The following MDGA2 variants were observed in gnomAD, a reference collection of about 807,000 sequenced individuals.
MDGA2 encodes the protein MAM domain containing glycosylphosphatidylinositol anchor 2, also known as MAM domain-containing glycosylphosphatidylinositol anchor protein 2.
In MDGA2, 40 loss-of-function variants were observed where a neutral mutation model predicts 117.8. The observed-to-expected ratio is 0.34, with a 90% CI of 0.26 to 0.44. MDGA2 has a LOEUF of 0.44. Ranked by LOEUF, MDGA2 falls within the 20% of genes least tolerant of loss-of-function variation. The pLI, the probability that MDGA2 is intolerant of heterozygous loss-of-function variation, is 1.00. For missense variants in MDGA2, 1,123 were observed against 1,250.6 expected (o/e 0.90, Z 1.54); for synonymous variants, 452 against 439.0 (o/e 1.03, Z -0.37).
chr14:47,657,733 G>A (rs1340237284), intron 1 of MDGA2, among the ~76,000 whole-genome samples: 1 of 152,126 alleles, frequency 6.6e-6, no homozygotes, highest in East Asian at 1.9e-4. Flanking sequence ...CCACTGAACA[G>A]AAAAGAAGGT....
intron 5 of MDGA2, among the ~76,000 whole-genome samples, chr14:47,123,706 A>G (rs1161013326): frequency 2.6e-5 from 4 of 152,068 alleles, no homozygotes; most frequent in African/African-American, 4.8e-5. Flanking sequence ...GGAAATACTA[A>G]TATCTAACAT....
intron 5 of MDGA2, among the ~76,000 whole-genome samples, chr14:47,109,688 T>C (rs1431437403): frequency 1.3e-5 from 2 of 152,152 alleles, no homozygotes; most frequent in Non-Finnish European, 2.9e-5. Flanking sequence ...GGCTCACACT[T>C]GTAATCCCAC....
intron 1 of MDGA2, among the ~76,000 whole-genome samples, chr14:47,334,572 T>C (rs1048693890): frequency 2.0e-5 from 3 of 152,112 alleles, no homozygotes; most frequent in African/African-American, 7.2e-5. Flanking sequence ...ATAGTGGTTA[T>C]ATCTAAATTT....
intron 7 of MDGA2, among the ~76,000 whole-genome samples, chr14:47,048,268 T>G (rs1566592032): frequency 6.6e-6 from 1 of 152,094 alleles, no homozygotes; most frequent in Non-Finnish European, 1.5e-5. Flanking sequence ...TATTGCTTTC[T>G]GGTGGATAAA....
intron 1 of MDGA2, among the ~76,000 whole-genome samples, chr14:47,370,480 T>G (rs1370588124): frequency 3.2e-5 from 2 of 62,722 alleles, no homozygotes; most frequent in African/African-American, 1.5e-4. Flanking sequence ...TTTTTTTTTT[T>G]TTTTTTTTTT....
chr14:47,490,874 G>A (rs865938277), intron 1 of MDGA2, among the ~76,000 whole-genome samples: 1 of 152,166 alleles, frequency 6.6e-6, no homozygotes, highest in South Asian at 2.1e-4. Flanking sequence ...GAATCAGTTG[G>A]CTAGGCCTGG....
intron 8 of MDGA2, among the ~76,000 whole-genome samples, chr14:46,959,501 T>G (rs905348640): frequency 6.6e-6 from 1 of 151,920 alleles, no homozygotes; most frequent in Non-Finnish European, 1.5e-5. Flanking sequence ...TATGCTTTAT[T>G]TTTTAGGATT....
intron 8 of MDGA2, among the ~76,000 whole-genome samples, chr14:46,984,436 T>C (rs1252948812): frequency 6.6e-6 from 1 of 152,060 alleles, no homozygotes; most frequent in African/African-American, 2.4e-5. Context: ...TTATATTTTA[T>C]ATAATCAAAG....
intron 3 of MDGA2, among the ~76,000 whole-genome samples, chr14:47,181,303 C>T (rs1594702205): frequency 2.0e-5 from 3 of 151,952 alleles, no homozygotes; most frequent in Non-Finnish European, 1.5e-5. Flanking sequence ...CTCATTGTTC[C>T]ACTCCTATTT....
rs576467014 is a variant in MDGA2, at chr14:47,379,445, C to A, written c.281-77895G>T. ...TGGCAAATTGGATAAAGAGTGAAGA[C>A]CCATCAGTGTGCGGTATTTAGGAGA... is the stretch of plus-strand genomic sequence containing the variant. On this transcript the variant is annotated intron_variant, in intron 1 of 16. Transcript: ENST00000399232. Among the ~76,000 whole-genome samples the A allele has an allele frequency of 1.4e-3, 212 of 152,240 alleles. 1 individual carries two copies. The highest frequency in any genetic ancestry group is 3.4e-3 in the Middle Eastern group (1 of 294).
intron 1 of MDGA2, among the ~76,000 whole-genome samples, chr14:47,348,317 T>C (rs1202670664): frequency 6.6e-6 from 1 of 151,904 alleles, no homozygotes; most frequent in Non-Finnish European, 1.5e-5. Context: ...GTTCAAGCGA[T>C]TCTCATGCCT....
At chr14:46,853,116 AT>A (rs1242464966) in intron 15 of MDGA2, among the ~76,000 whole-genome samples, 1 of 151,940 alleles carries the variant, frequency 6.6e-6, no homozygotes, top group Non-Finnish European at 1.5e-5. Context: ...ACATACAAAT[AT>A]TTTTTAAAAG....
At chr14:47,567,470 C>T (rs181008398) in intron 1 of MDGA2, among the ~76,000 whole-genome samples, 1 of 152,312 alleles carries the variant, frequency 6.6e-6, no homozygotes, top group East Asian at 1.9e-4. Flanking sequence ...AGCAGCAATA[C>T]TGTTTGTCTA....
intron 14 of MDGA2, among the ~76,000 whole-genome samples, chr14:46,865,629 T>C (rs1881724016): frequency 6.6e-6 from 1 of 152,044 alleles, no homozygotes; most frequent in Non-Finnish European, 1.5e-5. Flanking sequence ...CATGATTGTA[T>C]ATCTAGAAAA....
At chr14:47,170,551 G>A (rs951159488) in intron 3 of MDGA2, among the ~76,000 whole-genome samples, 52 of 152,158 alleles carry the variant, frequency 3.4e-4, no homozygotes, top group African/African-American at 1.1e-3. Context: ...AAGATTCAAG[G>A]ATTAGTCTAT....
chr14:47,508,971 T>C (rs1363046756), intron 1 of MDGA2, among the ~76,000 whole-genome samples: 1 of 152,150 alleles, frequency 6.6e-6, no homozygotes, highest in East Asian at 1.9e-4. Context: ...ATTACAGGCG[T>C]GAGCTACTGC....
At chr14:47,327,862 T>C (rs181598389) in intron 1 of MDGA2, among the ~76,000 whole-genome samples, 7 of 152,250 alleles carry the variant, frequency 4.6e-5, no homozygotes, top group Admixed American at 2.0e-4. Context: ...TTAGAGAAAG[T>C]AAGTGAATAC....
chr14:46,884,896 G>C lies in MDGA2; in HGVS notation c.2239-2675C>G, dbSNP rs1226426343. On this transcript the variant is annotated intron_variant, in intron 10 of 16. Coordinates refer to ENST00000399232, the MANE Select transcript of MDGA2 (RefSeq NM_001113498.3). The surrounding 1 kb of genome is among the most constrained non-coding windows in gnomAD (Gnocchi z 4.1). ...CAGTCTCGCTCTGTCACCTAGGCTG[G>C]AGTACAATGATGCTATCTCGGCTCA... Among the ~76,000 whole-genome samples the C allele has an allele frequency of 6.6e-6, 1 of 151,674 alleles. No homozygotes were observed. The highest frequency in any genetic ancestry group is 2.4e-5 in the African/African-American group (1 of 41,248).
chr14:47,285,596 A>C (rs1302581121), intron 2 of MDGA2, among the ~76,000 whole-genome samples: 1 of 152,118 alleles, frequency 6.6e-6, no homozygotes, highest in Non-Finnish European at 1.5e-5. Flanking sequence ...GAAGGGCTTT[A>C]ATAGCTTCAT....
Sources: gnomAD v4.1 joint callset for allele counts (sites outside exome capture counted in the v4.1 genomes callset) on GRCh38, gnomAD v4.1.1 for gene constraint, Gnocchi (gnomAD v3.1) non-coding constraint, MANE v1.5 for transcripts, NCBI Gene and HGNC (gene_info 2026-07-23, HGNC 2026-07-21) for gene names.